The following OR51B5 variants were observed in gnomAD, a reference collection of about 807,000 sequenced individuals.
The protein encoded by OR51B5 is olfactory receptor 51B5.
For synonymous variants in OR51B5, 186 were observed against 144.8 expected (o/e 1.28, Z -2.04); for missense variants, 456 against 374.6 (o/e 1.22, Z -1.79).
chr11:5,504,617 A>G (rs979014993), intron 1 of OR51B5, among the ~76,000 whole-genome samples: 1 of 151,854 alleles, frequency 6.6e-6, no homozygotes, highest in Non-Finnish European at 1.5e-5. Context: ...CATAGCCTTT[A>G]TTTTCCCAAG....
downstream of OR51B5, among the ~76,000 whole-genome samples, chr11:5,341,578 C>A (rs1262563790): frequency 1.3e-5 from 2 of 152,114 alleles, no homozygotes; most frequent in African/African-American, 2.4e-5. Context: ...TGGGTCCCTT[C>A]CTAACTCATC....
exon 1 of OR51B5, chr11:5,342,796 G>C (rs762624040): frequency 1.4e-5 from 22 of 1,613,488 alleles, no homozygotes; most frequent in Non-Finnish European, 1.3e-5. Context: ...GGACACAGCA[G>C]ATATGGGAGA....
At chr11:5,382,141 G>A (rs2647548) in intron 1 of OR51B5, among the ~76,000 whole-genome samples, 61,495 of 152,016 alleles carry the variant, frequency 0.4, 12,683 homozygotes, top group South Asian at 0.54. Context: ...CTCATTCAGG[G>A]TCTTGCCCCT....
At chr11:5,397,964 C>T (rs868371048) in intron 1 of OR51B5, among the ~76,000 whole-genome samples, 8 of 152,122 alleles carry the variant, frequency 5.3e-5, no homozygotes, top group African/African-American at 7.2e-5. Flanking sequence ...AAAAGCCAAA[C>T]ACCACATGTT....
intron 1 of OR51B5, among the ~76,000 whole-genome samples, chr11:5,445,581 C>T (rs899437709): frequency 1.3e-5 from 2 of 151,818 alleles, no homozygotes; most frequent in African/African-American, 4.8e-5. Context: ...CAGCACCTAC[C>T]CTTGCAAAGA....
At chr11:5,464,341 GGTTA>G (rs1351899169) in intron 1 of OR51B5, among the ~76,000 whole-genome samples, 2 of 152,114 alleles carry the variant, frequency 1.3e-5, no homozygotes, top group Non-Finnish European at 2.9e-5. Context: ...ACGTTGTGCA[GGTTA>G]GTTACATATG....
intron 1 of OR51B5, among the ~76,000 whole-genome samples, chr11:5,435,457 C>G (rs1850579545): frequency 6.8e-6 from 1 of 147,584 alleles, no homozygotes; most frequent in South Asian, 2.2e-4. Flanking sequence ...GTCTGTATCC[C>G]TACCAGACCA....
At chr11:5,468,857 C>G (rs970007104) in intron 1 of OR51B5, 1 of 422,658 alleles carries the variant, frequency 2.4e-6, no homozygotes. Context: ...ACAGGGCAGC[C>G]GAATCAGGTC....
chr11:5,466,046 T>C (rs184199792), intron 1 of OR51B5, among the ~76,000 whole-genome samples: 2 of 151,998 alleles, frequency 1.3e-5, no homozygotes, highest in African/African-American at 2.4e-5. Flanking sequence ...AGAAAATTTT[T>C]GCAACCTACT....
intron 1 of OR51B5, chr11:5,354,850 A>G: frequency 5.3e-6 from 1 of 187,588 alleles, no homozygotes; most frequent in South Asian, 9.9e-5. Context: ...AGCAGAGGGT[A>G]CCAGACCTGA....
chr11:5,414,064 A>T (rs1329653486), intron 1 of OR51B5, among the ~76,000 whole-genome samples: 5 of 151,246 alleles, frequency 3.3e-5, no homozygotes, highest in African/African-American at 1.2e-4. Flanking sequence ...AGGGAAGCCC[A>T]TCAAACTAAC....
intron 1 of OR51B5, among the ~76,000 whole-genome samples, chr11:5,357,032 G>C (rs1849204718): frequency 6.6e-6 from 1 of 152,050 alleles, no homozygotes; most frequent in South Asian, 2.1e-4. Flanking sequence ...ATGCCAAATT[G>C]TAAAGACCAT....
intron 1 of OR51B5, among the ~76,000 whole-genome samples, chr11:5,409,261 C>T (rs543441363): frequency 1.7e-4 from 26 of 152,186 alleles, no homozygotes; most frequent in African/African-American, 6.0e-4. Context: ...CATCTAGAGC[C>T]ATTTTCTTTC....
intron 1 of OR51B5, among the ~76,000 whole-genome samples, chr11:5,370,956 A>T (rs919286180): frequency 6.6e-6 from 1 of 152,204 alleles, no homozygotes; most frequent in African/African-American, 2.4e-5. Context: ...TTCAATGAGC[A>T]GACAGAAGGA....
At chr11:5,387,210 A>T (rs11037152) in intron 1 of OR51B5, among the ~76,000 whole-genome samples, 19,352 of 152,160 alleles carry the variant, frequency 0.13, 1,345 homozygotes, top group Non-Finnish European at 0.16. Context: ...GAACCAGCAG[A>T]TCTTGGCATT....
chr11:5,387,522 G>A (rs1028861802), intron 1 of OR51B5, among the ~76,000 whole-genome samples: 5 of 151,808 alleles, frequency 3.3e-5, no homozygotes, highest in East Asian at 1.9e-4. Context: ...CTCTCAACTC[G>A]AAGCTCACAA....
At chr11:5,341,839 G>A (rs1848899514), downstream of OR51B5, among the ~76,000 whole-genome samples, 1 of 152,188 alleles carries the variant, frequency 6.6e-6, no homozygotes, top group Non-Finnish European at 1.5e-5. Context: ...AGCAACTAGG[G>A]TAGTAGAATA....
At chr11:5,478,761 G>A (rs1851361509) in intron 1 of OR51B5, among the ~76,000 whole-genome samples, 2 of 151,244 alleles carry the variant, frequency 1.3e-5, no homozygotes, top group South Asian at 4.2e-4. Context: ...AAGGGTATGA[G>A]CAATGGAAGA....
chr11:5,413,694 T>G (rs913389710), intron 1 of OR51B5, among the ~76,000 whole-genome samples: 2 of 152,042 alleles, frequency 1.3e-5, no homozygotes, highest in Admixed American at 6.5e-5. Flanking sequence ...TGATGGAAGA[T>G]GAAATGAATG....
Sources: allele counts gnomAD v4.1 joint callset (sites outside exome capture counted in the v4.1 genomes callset), GRCh38; gene constraint gnomAD v4.1.1; transcripts MANE v1.5; gene names NCBI Gene and HGNC (gene_info 2026-07-23, HGNC 2026-07-21).